NRG1: variants seen among roughly 807,000 people sequenced by gnomAD.
The protein encoded by NRG1 is neuregulin 1, also known as pro-neuregulin-1, membrane-bound isoform.
Under a neutral mutation model 63.8 loss-of-function variants are expected in NRG1, and 18 were observed. The ratio of observed to expected loss-of-function variants is 0.28; its 90% CI spans 0.19 to 0.42. The LOEUF is 0.42. NRG1 is among the 10% of genes least tolerant of loss of function. The pLI is 1.00. For synonymous variants in NRG1, 302 were observed against 301.3 expected (o/e 1.00, Z -0.02); for missense variants, 762 against 814.7 (o/e 0.94, Z 0.79).
intron 5 of NRG1, among the ~76,000 whole-genome samples, chr8:32,650,711 A>G (rs997856362): frequency 4.0e-5 from 6 of 151,734 alleles, no homozygotes; most frequent in African/African-American, 4.8e-5. Context: ...TTTTCAACTA[A>G]GAAAGTATTG....
At chr8:32,398,386 C>T (rs1206254378) in intron 1 of NRG1, among the ~76,000 whole-genome samples, 1 of 148,286 alleles carries the variant, frequency 6.7e-6, no homozygotes, top group Non-Finnish European at 1.5e-5. Flanking sequence ...CTCTGTTTAA[C>T]ATGTTACCTG....
intron 1 of NRG1, among the ~76,000 whole-genome samples, chr8:32,261,542 T>A (rs1376877963): frequency 5.3e-5 from 8 of 152,136 alleles, no homozygotes; most frequent in Admixed American, 3.9e-4. Context: ...AAGCCTTCTT[T>A]TTTGAGTTCT....
At chr8:32,341,106 G>A (rs1804016331) in intron 1 of NRG1, among the ~76,000 whole-genome samples, 1 of 152,076 alleles carries the variant, frequency 6.6e-6, no homozygotes, top group Admixed American at 6.6e-5. Context: ...TCTTTTTCCT[G>A]TATCTTCAAA....
intron 1 of NRG1, among the ~76,000 whole-genome samples, chr8:31,916,005 A>G (rs895762237): frequency 6.6e-6 from 1 of 152,128 alleles, no homozygotes; most frequent in Non-Finnish European, 1.5e-5. Flanking sequence ...CTTCCAGCAC[A>G]TTTCATGGGA....
At chr8:32,739,092 A>G (rs1019590090) in intron 6 of NRG1, among the ~76,000 whole-genome samples, 3 of 152,192 alleles carry the variant, frequency 2.0e-5, no homozygotes, top group African/African-American at 7.2e-5. Context: ...ACTTAATTAC[A>G]TTCCTTCATT....
chr8:32,360,509 T>C (rs745572380), intron 1 of NRG1, among the ~76,000 whole-genome samples: 27 of 152,322 alleles, frequency 1.8e-4, no homozygotes, highest in South Asian at 6.2e-4. Flanking sequence ...AGTTAATTAA[T>C]AGCATGTTCT....
intron 1 of NRG1, among the ~76,000 whole-genome samples, chr8:31,834,298 C>T (rs910345290): frequency 3.7e-3 from 81 of 21,818 alleles, no homozygotes; most frequent in African/African-American, 6.8e-3. Flanking sequence ...TGCGTGTGCG[C>T]GCACGCGCGC....
rs1356260979 is a variant in NRG1, at chr8:32,412,448, A to C, written c.38-183380A>C. Among the ~76,000 whole-genome samples the C allele has an allele frequency of 3.2e-3, 175 of 54,508 alleles. 1 individual carries two copies. The highest frequency in any genetic ancestry group is 0.012 in the Middle Eastern group (1 of 84). The allele number at this position is 54,508 out of a possible 152,430, so 35.8% of individuals were successfully genotyped here. On this transcript the variant is annotated intron_variant, in intron 1 of 10. Coordinates refer to the NRG1 transcript ENST00000519301. ...CATATATATATATATATATATATAT[A>C]TATACATATATATATATATATATAT...
chr8:31,912,890 T>C (rs1680170), intron 1 of NRG1, among the ~76,000 whole-genome samples: 31,814 of 152,042 alleles, frequency 0.21, 4,957 homozygotes, highest in African/African-American at 0.43. Context: ...TTCTAAAAAA[T>C]ATTTCTGGGT....
chr8:32,454,569 C>A (rs1388425607), intron 1 of NRG1, among the ~76,000 whole-genome samples: 1 of 144,586 alleles, frequency 6.9e-6, no homozygotes, highest in African/African-American at 2.6e-5. Context: ...CTCTTCCCAT[C>A]CCTCTTTTTT....
At chr8:31,968,276 T>A (rs1806696485) in intron 1 of NRG1, among the ~76,000 whole-genome samples, 1 of 151,770 alleles carries the variant, frequency 6.6e-6, no homozygotes, top group African/African-American at 2.4e-5. Flanking sequence ...CAGGAGAGAG[T>A]GCTGTATTGA....
intron 6 of NRG1, among the ~76,000 whole-genome samples, chr8:32,735,086 G>A (rs1003875013): frequency 2.6e-5 from 4 of 152,154 alleles, no homozygotes; most frequent in Non-Finnish European, 4.4e-5. Flanking sequence ...GGCTGACTCT[G>A]CTCTGTGGAA....
At chr8:32,658,758 T>C (rs1235529874) in intron 5 of NRG1, among the ~76,000 whole-genome samples, 3 of 152,204 alleles carry the variant, frequency 2.0e-5, no homozygotes, top group Non-Finnish European at 4.4e-5. Context: ...AAACATTTTT[T>C]CTGCACTTCT....
intron 1 of NRG1, among the ~76,000 whole-genome samples, chr8:31,851,394 G>T (rs201995386): frequency 6.6e-6 from 1 of 152,042 alleles, no homozygotes; most frequent in Admixed American, 6.5e-5. Flanking sequence ...TATGATGCCT[G>T]GTTGGTGAAA....
At chr8:32,463,871 A>ATTTTTT (rs1587799335) in intron 1 of NRG1, among the ~76,000 whole-genome samples, 1 of 80,506 alleles carries the variant, frequency 1.2e-5, no homozygotes, top group Non-Finnish European at 2.7e-5. Flanking sequence ...AAAACTTAGA[A>ATTTTTT]TTCTTTTTTT....
intron 1 of NRG1, among the ~76,000 whole-genome samples, chr8:32,571,861 G>A (rs1268311057): frequency 6.6e-6 from 1 of 152,058 alleles, no homozygotes; most frequent in East Asian, 1.9e-4. Context: ...TTACATACAG[G>A]CAGTGACCAT....
chr8:32,756,642 G>A (rs1829758031), intron 9 of NRG1, 113 bp downstream of exon 9: 1 of 1,398,786 alleles, frequency 7.1e-7, no homozygotes, highest in Admixed American at 2.6e-5. Context: ...AATCACCATG[G>A]CTTCCAGGAA....
chr8:32,290,842 A>G (rs1036710841), intron 1 of NRG1, among the ~76,000 whole-genome samples: 1 of 152,032 alleles, frequency 6.6e-6, no homozygotes, highest in African/African-American at 2.4e-5. Context: ...TTAAGACTCT[A>G]TCTGGCTTTA....
intron 1 of NRG1, among the ~76,000 whole-genome samples, chr8:32,223,501 T>G (rs1846029839): frequency 6.6e-6 from 1 of 152,200 alleles, no homozygotes; most frequent in African/African-American, 2.4e-5. Flanking sequence ...AACCTTGGTT[T>G]CCTTCTTTGG....
Sources: gnomAD v4.1 joint callset for allele counts (sites outside exome capture counted in the v4.1 genomes callset) on GRCh38, gnomAD v4.1.1 for gene constraint, MANE v1.5 for transcripts, NCBI Gene and HGNC (gene_info 2026-07-23, HGNC 2026-07-21) for gene names.